The following FDFT1 variants were observed in gnomAD, a reference collection of about 807,000 sequenced individuals.
The protein encoded by FDFT1 is farnesyl-diphosphate farnesyltransferase 1, also known as squalene synthase.
In FDFT1, 68 loss-of-function variants were observed where a neutral mutation model predicts 46.8. The ratio of observed to expected loss-of-function variants is 1.45; its 90% confidence interval spans 1.19 to 1.78. The LOEUF (loss-of-function observed/expected upper bound fraction) is 1.78. FDFT1 is among the 40% of genes most tolerant of loss of function. FDFT1 has a pLI of 0.00. For synonymous variants in FDFT1, 351 were observed against 185.1 expected (o/e 1.90, Z -7.28); for missense variants, 928 against 524.4 (o/e 1.77, Z -7.52).
At chr8:11,817,838 G>A (rs1473216604) in intron 3 of FDFT1, among the ~76,000 whole-genome samples, 2 of 150,086 alleles carry the variant, frequency 1.3e-5, no homozygotes, top group Admixed American at 6.6e-5. Context: ...TTTTTTGAAG[G>A]GTTTTTTGTG....
chr8:11,813,156 C>G (rs947628218), intron 3 of FDFT1, among the ~76,000 whole-genome samples: 1 of 152,114 alleles, frequency 6.6e-6, no homozygotes, highest in African/African-American at 2.4e-5. Flanking sequence ...CAGGGTGTTA[C>G]AGTCTTAAGG....
At chr8:11,820,091 C>A (rs561944556) in intron 3 of FDFT1, among the ~76,000 whole-genome samples, 7 of 152,180 alleles carry the variant, frequency 4.6e-5, no homozygotes, top group Non-Finnish European at 7.3e-5. Context: ...TTCCTTCTAA[C>A]AGAGGCCCGT....
intron 4 of FDFT1, among the ~76,000 whole-genome samples, chr8:11,822,499 T>C (rs1281356795): frequency 6.6e-6 from 1 of 152,208 alleles, no homozygotes; most frequent in Non-Finnish European, 1.5e-5. Context: ...ATACAATGAC[T>C]GCTAGAAATC....
At chr8:11,834,559 G>A (rs540313521) in intron 7 of FDFT1, among the ~76,000 whole-genome samples, 1 of 152,106 alleles carries the variant, frequency 6.6e-6, no homozygotes, top group Non-Finnish European at 1.5e-5. Context: ...GGAATCACCT[G>A]GGAGCCCATT....
rs113265443 is a variant in FDFT1, at chr8:11,831,527, A to G, written c.889A>G (p.Ile297Val). ...NFCAIPQVMA[I>V]ATLAACYNNQ... ...TTCTTGTTGTCTCTAGGTGATGGCCATTGCCACTTTGGCTGCCTGTTATAA... is the reference window on the plus strand; with the variant it reads ...TTCTTGTTGTCTCTAGGTGATGGCCGTTGCCACTTTGGCTGCCTGTTATAA... The change falls in exon 7 of 8, where the codon ATT (isoleucine) becomes GTT (valine). Residue 297 changes from isoleucine to valine, a missense_variant. Transcript: ENST00000220584. 2 of 1,614,082 alleles carry G rather than the reference A, an allele frequency of 1.2e-6. No individual in the cohort carries two copies. Among genetic ancestry groups the G allele is most frequent in the Middle Eastern group, 1.6e-4 (1 of 6,062 alleles).
chr8:11,838,242 G>C (rs909764404), intron 7 of FDFT1, 146 bp from the exon 8 acceptor site: 2 of 666,052 alleles, frequency 3.0e-6, no homozygotes, highest in Non-Finnish European at 5.3e-6. Context: ...GGATGGCTTT[G>C]GGTAAGTTAT....
At position 11,805,751 on chromosome 8, in the gene FDFT1, A is replaced by C. The variant is rs1481768976; in HGVS notation, c.99+2820A>C. Among the ~76,000 whole-genome samples the C allele has an allele frequency of 2.0e-5, 3 of 152,216 alleles. No individual in the cohort carries two copies. The East Asian group carries it at 5.8e-4, about 29-fold the overall frequency. On this transcript the variant is annotated intron_variant, in intron 1 of 7. Coordinates refer to ENST00000220584, the MANE Select transcript of FDFT1 (RefSeq NM_004462.5). ...CTTAGTATATTCAAATGTTTTGCTA[A>C]AGAAATAATTATGAGGTGCTACTTC...
intron 3 of FDFT1, among the ~76,000 whole-genome samples, chr8:11,814,542 C>G (rs1165202109): frequency 6.6e-6 from 1 of 152,146 alleles, no homozygotes; most frequent in Non-Finnish European, 1.5e-5. Flanking sequence ...TATCTGTAGG[C>G]TCTCATGTTT....
chr8:11,797,912 T>C (rs1781002948), upstream of FDFT1: 1 of 152,236 alleles, frequency 6.6e-6, no homozygotes, highest in Admixed American at 6.5e-5. Context: ...AGTACAAGAA[T>C]GGGTGGACAG....
At chr8:11,825,198 T>G (rs966518976) in intron 4 of FDFT1, among the ~76,000 whole-genome samples, 6 of 152,188 alleles carry the variant, frequency 3.9e-5, no homozygotes. Flanking sequence ...ACCAGAATAT[T>G]CCATCTTTCA....
chr8:11,821,426 A>C (rs907579556), intron 3 of FDFT1, among the ~76,000 whole-genome samples: 10 of 152,214 alleles, frequency 6.6e-5, no homozygotes, highest in African/African-American at 2.2e-4. Flanking sequence ...CCCCACTTCT[A>C]CTAAAAATAT....
At chr8:11,820,905 C>T (rs921207516) in intron 3 of FDFT1, among the ~76,000 whole-genome samples, 5 of 152,206 alleles carry the variant, frequency 3.3e-5, no homozygotes, top group African/African-American at 1.2e-4. Context: ...GTGAGATGAA[C>T]CAGGTACCTC....
chr8:11,797,438 C>T (rs963355127), upstream of FDFT1, among the ~76,000 whole-genome samples: 6 of 152,086 alleles, frequency 3.9e-5, no homozygotes, highest in East Asian at 5.8e-4. Context: ...TTGTAAGCTC[C>T]TTGGGTGTGG....
intron 3 of FDFT1, among the ~76,000 whole-genome samples, chr8:11,813,184 C>T (rs938825517): frequency 6.6e-6 from 1 of 152,166 alleles, no homozygotes; most frequent in Non-Finnish European, 1.5e-5. Context: ...ATTGTATTTC[C>T]AGTCTCCGTT....
intron 4 of FDFT1, among the ~76,000 whole-genome samples, chr8:11,824,141 G>C (rs1809640467): frequency 6.6e-6 from 1 of 152,154 alleles, no homozygotes; most frequent in South Asian, 2.1e-4. Flanking sequence ...GGGATTACAG[G>C]CGTGAACTTC....
chr8:11,828,521 C>A (rs1186122494), intron 5 of FDFT1, among the ~76,000 whole-genome samples: 4 of 152,208 alleles, frequency 2.6e-5, no homozygotes, highest in African/African-American at 9.6e-5. Flanking sequence ...CCTAGGCCAG[C>A]CCCTGACCAC....
At chr8:11,829,283 T>C (rs1810442097) in intron 5 of FDFT1, among the ~76,000 whole-genome samples, 1 of 152,382 alleles carries the variant, frequency 6.6e-6, no homozygotes, top group African/African-American at 2.4e-5. Context: ...AATGATGTTA[T>C]ATAACCATCA....
At chr8:11,823,612 T>C (rs1373423237) in intron 4 of FDFT1, among the ~76,000 whole-genome samples, 1 of 152,058 alleles carries the variant, frequency 6.6e-6, no homozygotes, top group Non-Finnish European at 1.5e-5. Context: ...TCTCACTCTG[T>C]CACCCAGACT....
Position 11,838,705 on chromosome 8 carries a change from C to T in FDFT1, c.*96C>T. Reference sequence around the variant, plus strand: ...TGTTCTCTTTATTTTTTTCCTACTACTTTAATCCCTAAAAGAACGCTGTGT... The same window carrying T: ...TGTTCTCTTTATTTTTTTCCTACTATTTTAATCCCTAAAAGAACGCTGTGT... On this transcript the variant is annotated 3_prime_UTR_variant, in exon 8 of 8. Transcript: ENST00000220584. 2 of 970,372 alleles carry T rather than the reference C, an allele frequency of 2.1e-6. No individual in the cohort carries two copies. Among genetic ancestry groups the T allele is most frequent in the Non-Finnish European group, 3.3e-6 (2 of 615,198 alleles). 60.1% of individuals were successfully genotyped at this position (970,372 alleles called of 1,614,324 possible). A position where few individuals can be genotyped will look rare whatever the true frequency, so the allele number is the denominator to read the frequency against.
Sources: gnomAD v4.1 joint callset for allele counts (sites outside exome capture counted in the v4.1 genomes callset) on GRCh38, gnomAD v4.1.1 for gene constraint, MANE v1.5 for transcripts, NCBI Gene and HGNC (gene_info 2026-07-23, HGNC 2026-07-21) for gene names.